LPGAT1: variants seen among roughly 807,000 people sequenced by gnomAD.
LPGAT1 encodes lysophosphatidylglycerol acyltransferase 1.
LPGAT1 carries 11 observed loss-of-function variants against 47.5 expected under a neutral mutation model. That is an observed-to-expected ratio of 0.23 (90% CI 0.15 to 0.38). LPGAT1 has a LOEUF of 0.38. Among genes scored for constraint, LPGAT1 ranks in the 10% least tolerant of loss-of-function variants. The pLI is 1.00. For synonymous variants in LPGAT1, 138 were observed against 144.2 expected, an observed-to-expected ratio of 0.96 and a Z score of 0.31; for missense variants, 293 against 439.0, an observed-to-expected ratio of 0.67 and a Z score of 2.97.
intron 6 of LPGAT1, among the ~76,000 whole-genome samples, chr1:211,760,457 C>G (rs931671721): frequency 6.6e-6 from 1 of 152,080 alleles, no homozygotes; most frequent in Admixed American, 6.6e-5. Flanking sequence ...CTCCGTCCCC[C>G]CAACCCCCCT....
At chr1:211,772,504 A>T (rs910710491) in intron 6 of LPGAT1, among the ~76,000 whole-genome samples, 1 of 152,208 alleles carries the variant, frequency 6.6e-6, no homozygotes, top group Non-Finnish European at 1.5e-5. Flanking sequence ...TTATAGGTTA[A>T]TCTGGAAGAA....
intron 6 of LPGAT1, among the ~76,000 whole-genome samples, chr1:211,763,332 T>C (rs955230524): frequency 2.0e-5 from 3 of 152,204 alleles, no homozygotes; most frequent in Non-Finnish European, 4.4e-5. Flanking sequence ...AGTAGGTTAG[T>C]TATCACAAGA....
chr1:211,753,871 G>C (rs1657316587), intron 6 of LPGAT1, among the ~76,000 whole-genome samples: 2 of 152,154 alleles, frequency 1.3e-5, no homozygotes, highest in Non-Finnish European at 2.9e-5. Context: ...CTTACAAGTG[G>C]AGTCTGTTGC....
At chr1:211,761,262 T>C (rs1318283942) in intron 6 of LPGAT1, among the ~76,000 whole-genome samples, 1 of 152,172 alleles carries the variant, frequency 6.6e-6, no homozygotes, top group African/African-American at 2.4e-5. Context: ...CAATCTATTA[T>C]CACTCAGCCA....
At chr1:211,751,182 A>G in intron 6 of LPGAT1, 115 bp from the exon 7 acceptor site, 1 of 692,324 alleles carries the variant, frequency 1.4e-6, no homozygotes, top group Non-Finnish European at 2.4e-6. Context: ...CTTTTGCTTT[A>G]ACAAGGGTTG....
rs1656961660 is a variant in LPGAT1 at position 211,746,777 on chromosome 1, T to C, written c.*3122A>G. 6.6e-6 allele frequency: 1 copy of C among 152,254 alleles called. No individual in the cohort carries two copies. Among genetic ancestry groups the C allele is most frequent in the Non-Finnish European group, 1.5e-5 (1 of 68,040 alleles). 9.4% of individuals were successfully genotyped at this position (152,254 alleles called of 1,614,324 possible). On this transcript the variant is annotated 3_prime_UTR_variant, in exon 8 of 8. Coordinates refer to ENST00000366997, the MANE Select transcript of LPGAT1 (RefSeq NM_014873.3). ...ATTATTTTCCATTCTGTAATTTTTC[T>C]TTACCTTCCATTACTTACAGGTTTC...
intron 2 of LPGAT1, among the ~76,000 whole-genome samples, chr1:211,813,579 G>A (rs1010038412): frequency 5.9e-5 from 9 of 152,048 alleles, no homozygotes; most frequent in African/African-American, 2.2e-4. Flanking sequence ...AAATTTTATT[G>A]ACAAAATTCA....
intron 6 of LPGAT1, among the ~76,000 whole-genome samples, chr1:211,776,303 G>A (rs1658396362): frequency 2.0e-5 from 3 of 152,136 alleles, no homozygotes; most frequent in South Asian, 4.1e-4. Context: ...TTGGAAGGCC[G>A]AGGCTGGCAG....
Position 211,830,593 on chromosome 1 carries a change from G to C in LPGAT1, c.-48C>G. On this transcript the variant is annotated 5_prime_UTR_variant, in exon 1 of 8. Transcript: ENST00000366997. This position sits in a 1 kb window ranked among gnomAD's most constrained non-coding sequence, Gnocchi z 5.9. Reference sequence around the variant, plus strand: ...GTTACCTCGGGCTGGCCGGGCCCCAGCCGGGGCTTTGGGAGTCAGAGGAGC... The same window carrying C: ...GTTACCTCGGGCTGGCCGGGCCCCACCCGGGGCTTTGGGAGTCAGAGGAGC... 8.8e-7 allele frequency: 1 copy of C among 1,134,998 alleles called. No homozygotes were observed. The highest frequency in any genetic ancestry group is 1.1e-6 in the Non-Finnish European group (1 of 929,562). The allele number at this position is 1,134,998 out of a possible 1,614,324, so 70.3% of individuals were successfully genotyped here.
chr1:211,745,059 C>G lies in LPGAT1; in HGVS notation c.*4840G>C, dbSNP rs903025175. 3 of 152,582 alleles carry G rather than the reference C, an allele frequency of 2.0e-5. No individual in the cohort carries two copies. The highest frequency in any genetic ancestry group is 4.8e-5 in the African/African-American group (2 of 41,436). 9.5% of individuals were successfully genotyped at this position (152,582 alleles called of 1,614,324 possible). Reference sequence around the variant, plus strand: ...GCTATTAATTTTTGTTGAGAAAATGCTTCTTTTGGTGTTCACATCTAAATT... The same window carrying G: ...GCTATTAATTTTTGTTGAGAAAATGGTTCTTTTGGTGTTCACATCTAAATT... On this transcript the variant is annotated 3_prime_UTR_variant, in exon 8 of 8. Transcript: ENST00000366997.
chr1:211,762,650 C>A (rs1489804027), intron 6 of LPGAT1, among the ~76,000 whole-genome samples: 1 of 152,018 alleles, frequency 6.6e-6, no homozygotes, highest in Non-Finnish European at 1.5e-5. Context: ...CCAATAGCTA[C>A]CCAAATGAAA....
intron 2 of LPGAT1, among the ~76,000 whole-genome samples, chr1:211,810,173 C>T (rs1204891274): frequency 6.6e-6 from 1 of 152,142 alleles, no homozygotes; most frequent in African/African-American, 2.4e-5. Context: ...TACACCACCT[C>T]CTGTTCACTA....
rs1657087134 is a variant in LPGAT1, at chr1:211,749,506, G to T, written c.*393C>A. On this transcript the variant is annotated 3_prime_UTR_variant, in exon 8 of 8. Transcript: ENST00000366997. Reference sequence around the variant, plus strand: ...GGAAATGTGGGCGTTCTAGAGAACTGCCCTAATATAGACTACAGCTAAGAG... The same window carrying T: ...GGAAATGTGGGCGTTCTAGAGAACTTCCCTAATATAGACTACAGCTAAGAG... 5.0e-6 allele frequency: 1 copy of T among 200,830 alleles called. No individual in the cohort carries two copies. 12.4% of individuals were successfully genotyped at this position (200,830 alleles called of 1,614,324 possible). A position where few individuals can be genotyped will look rare whatever the true frequency, so the allele number is the denominator to read the frequency against.
chr1:211,786,224 A>G (rs953893032), intron 4 of LPGAT1, among the ~76,000 whole-genome samples: 2 of 152,260 alleles, frequency 1.3e-5, no homozygotes, highest in Non-Finnish European at 2.9e-5. Context: ...ATGAAATGAT[A>G]TAATGTCCAG....
intron 2 of LPGAT1, among the ~76,000 whole-genome samples, chr1:211,804,934 G>A (rs1659698126): frequency 6.6e-6 from 1 of 152,132 alleles, no homozygotes; most frequent in Non-Finnish European, 1.5e-5. Context: ...TCATATAACT[G>A]CACATTGTAG....
intron 2 of LPGAT1, among the ~76,000 whole-genome samples, chr1:211,805,420 T>C (rs1376469081): frequency 2.0e-5 from 3 of 152,174 alleles, no homozygotes; most frequent in Non-Finnish European, 2.9e-5. Context: ...GACAGAATGG[T>C]TGTATGGATA....
chr1:211,781,461 G>A (rs1658639916), intron 5 of LPGAT1, among the ~76,000 whole-genome samples: 1 of 152,180 alleles, frequency 6.6e-6, no homozygotes, highest in Non-Finnish European at 1.5e-5. Context: ...CTCTCCAGTA[G>A]TGAAACTATT....
intron 2 of LPGAT1, among the ~76,000 whole-genome samples, chr1:211,793,503 G>T (rs1659225267): frequency 6.6e-6 from 1 of 151,734 alleles, no homozygotes; most frequent in Non-Finnish European, 1.5e-5. Context: ...TGCGATCTTG[G>T]CTCACTGCAA....
rs564980283 is a variant in LPGAT1 at position 211,777,192 on chromosome 1, G to A, written c.854+1726C>T. Among the ~76,000 whole-genome samples, 4 of 152,146 alleles carry A rather than the reference G, an allele frequency of 2.6e-5. No individual in the cohort carries two copies. The South Asian group carries it at 8.3e-4, about 32-fold the overall frequency. On this transcript the variant is annotated intron_variant, in intron 6 of 7. Coordinates refer to ENST00000366997, the MANE Select transcript of LPGAT1 (RefSeq NM_014873.3). ...CTACAGTTGATAGACACTATTCCTG[G>A]GAGCTGCTAAAGACATGGCCCAAAT...
Sources: gnomAD v4.1 joint callset for allele counts (sites outside exome capture counted in the v4.1 genomes callset) on GRCh38, gnomAD v4.1.1 for gene constraint, Gnocchi (gnomAD v3.1) non-coding constraint, MANE v1.5 for transcripts, NCBI Gene and HGNC (gene_info 2026-07-23, HGNC 2026-07-21) for gene names.